Variants in UNC79 observed in about 807,000 individuals in gnomAD.
UNC79 encodes unc-79 subunit of NALCN channel complex.
A neutral mutation model predicts 283.1 loss-of-function variants in UNC79; 37 were observed. The observed-to-expected ratio is 0.13, with a 90% confidence interval of 0.10 to 0.17. UNC79 has a LOEUF of 0.17. Ranked by LOEUF, UNC79 falls within the 10% of genes least tolerant of loss-of-function variation. The pLI, the probability that UNC79 is intolerant of heterozygous loss-of-function variation, is 1.00. For missense variants in UNC79, 2,272 were observed against 3,211.1 expected, an observed-to-expected ratio of 0.71 and a Z score of 7.07; for synonymous variants, 1,107 against 1,200.2, an observed-to-expected ratio of 0.92 and a Z score of 1.61.
At chr14:93,333,957 C>CG (rs761911821) in intron 1 of UNC79, among the ~76,000 whole-genome samples, 78 of 148,658 alleles carry the variant, frequency 5.2e-4, no homozygotes, top group South Asian at 6.8e-4. Flanking sequence ...CGTTACACCT[C>CG]CTTTTCCTCT....
At position 93,578,081 on chromosome 14, in the gene UNC79, T is replaced by C; in HGVS notation, c.2433+18T>C. 3 of 1,610,228 alleles carry C rather than the reference T, an allele frequency of 1.9e-6. No homozygotes were observed. The highest frequency in any genetic ancestry group is 2.5e-6 in the Non-Finnish European group (3 of 1,177,052). On this transcript the variant is annotated intron_variant, in intron 18 of 48. Coordinates refer to ENST00000555664, the Ensembl canonical transcript of UNC79. ...TGAAGCAGGTAGCTGAAGCATGAGC[T>C]TCCTTTAGTTCAGAGGTGAAGAATG...
chr14:93,421,255 T>A (rs2055592889), intron 1 of UNC79, among the ~76,000 whole-genome samples: 1 of 151,490 alleles, frequency 6.6e-6, no homozygotes, highest in South Asian at 2.1e-4. Flanking sequence ...AAATAGGAGA[T>A]GAAAATGGAG....
chr14:93,416,928 A>T (rs2055474427), intron 1 of UNC79, among the ~76,000 whole-genome samples: 1 of 152,114 alleles, frequency 6.6e-6, no homozygotes, highest in African/African-American at 2.4e-5. Flanking sequence ...TGCACGTGAG[A>T]TGGATTTCCT....
At chr14:93,501,695 A>G (rs993792397) in intron 7 of UNC79, among the ~76,000 whole-genome samples, 8 of 152,210 alleles carry the variant, frequency 5.3e-5, no homozygotes, top group Non-Finnish European at 1.0e-4. Context: ...TCAAAAAAAA[A>G]AAGAAAAATT....
At chr14:93,594,550 A>G (rs182604012) in intron 23 of UNC79, among the ~76,000 whole-genome samples, 6 of 152,188 alleles carry the variant, frequency 3.9e-5, no homozygotes, top group African/African-American at 1.2e-4. Flanking sequence ...GATTACAGGC[A>G]TGAGCCACTG....
rs932926048 is a variant in UNC79 at position 93,596,154 on chromosome 14, G to T, written c.3191-1205G>T. Among the ~76,000 whole-genome samples, 7 of 152,258 alleles carry T rather than the reference G, an allele frequency of 4.6e-5. No individual in the cohort carries two copies. In the East Asian group the frequency reaches 1.3e-3, roughly 29 times the overall value. ...CACAAAATAAAATATGTCATATAATGAGCACATATTGTGTTCATAGCTCAT... is the reference window on the plus strand; with the variant it reads ...CACAAAATAAAATATGTCATATAATTAGCACATATTGTGTTCATAGCTCAT... On this transcript the variant is annotated intron_variant, in intron 23 of 48. Coordinates refer to ENST00000555664, the Ensembl canonical transcript of UNC79.
intron 1 of UNC79, among the ~76,000 whole-genome samples, chr14:93,374,475 C>G (rs887850710): frequency 2.0e-5 from 3 of 152,188 alleles, no homozygotes; most frequent in Non-Finnish European, 4.4e-5. Flanking sequence ...GCCTACTTTT[C>G]TCTTTTGGAA....
chr14:93,416,814 G>A (rs955430221), intron 1 of UNC79, among the ~76,000 whole-genome samples: 6 of 152,108 alleles, frequency 3.9e-5, no homozygotes, highest in Non-Finnish European at 5.9e-5. Flanking sequence ...TTGGTTTAAA[G>A]TCTGTTTTAT....
intron 1 of UNC79, among the ~76,000 whole-genome samples, chr14:93,380,886 G>A (rs1012796617): frequency 1.1e-4 from 17 of 152,184 alleles, no homozygotes; most frequent in African/African-American, 4.1e-4. Flanking sequence ...ACAAATGTAT[G>A]AAATTAATAT....
chr14:93,577,715 T>C lies in UNC79; in HGVS notation c.2212-127T>C, dbSNP rs957452847. On this transcript the variant is annotated intron_variant, in intron 17 of 48. Transcript: ENST00000555664. ...AATCCTTAGTATTTGGAGGTACTAA[T>C]GCCATTGGTTAAGGAAAGAAATAAG... is the stretch of plus-strand genomic sequence containing the variant. 4.6e-6 allele frequency: 4 copies of C among 868,078 alleles called. No individual in the cohort carries two copies. In the Admixed American group the frequency reaches 7.1e-5, roughly 15 times the overall value. The allele number at this position is 868,078 out of a possible 1,614,324, so 53.8% of individuals were successfully genotyped here. A position where few individuals can be genotyped will look rare whatever the true frequency, so the allele number is the denominator to read the frequency against.
intron 7 of UNC79, among the ~76,000 whole-genome samples, 181 bp from the exon 8 acceptor site, chr14:93,523,797 G>A (rs948837074): frequency 1.3e-5 from 2 of 152,112 alleles, no homozygotes; most frequent in Admixed American, 6.5e-5. Context: ...CTAGGAAAAT[G>A]GATGGAGTTG....
Position 93,529,417 on chromosome 14 carries a change from A to G in UNC79, c.1093+91A>G, listed in dbSNP as rs566531507. The G allele has an allele frequency of 2.9e-6, 4 of 1,395,268 alleles. No individual in the cohort carries two copies. The East Asian group carries it at 7.0e-5, about 24-fold the overall frequency. The allele number at this position is 1,395,268 out of a possible 1,614,324, so 86.4% of individuals were successfully genotyped here. A position where few individuals can be genotyped will look rare whatever the true frequency, so the allele number is the denominator to read the frequency against. On this transcript the variant is annotated intron_variant, in intron 10 of 48. Transcript: ENST00000555664. ...CCTTTTGTACTATTTTATTTTACAA[A>G]GACAGTCACCAAAGTATTGTATTGT...
At chr14:93,479,207 C>T (rs1002482365) in intron 4 of UNC79, among the ~76,000 whole-genome samples, 6 of 148,700 alleles carry the variant, frequency 4.0e-5, no homozygotes, top group African/African-American at 1.5e-4. Flanking sequence ...TTCCTTCCTT[C>T]CTTCCTTCCT....
intron 1 of UNC79, among the ~76,000 whole-genome samples, chr14:93,440,573 A>C (rs557922620): frequency 5.9e-4 from 88 of 149,722 alleles, no homozygotes; most frequent in Non-Finnish European, 6.4e-4. Context: ...ATTTCATGCA[A>C]TATATTTTTC....
At chr14:93,407,390 C>G (rs1194763586) in intron 1 of UNC79, among the ~76,000 whole-genome samples, 1 of 152,270 alleles carries the variant, frequency 6.6e-6, no homozygotes, top group Admixed American at 6.5e-5. Context: ...TTGCTGGAGG[C>G]TGAGTGTGGA....
intron 23 of UNC79, among the ~76,000 whole-genome samples, chr14:93,596,541 A>G (rs908543881): frequency 6.6e-6 from 1 of 152,222 alleles, no homozygotes; most frequent in Non-Finnish European, 1.5e-5. Flanking sequence ...AGGCTGAGGC[A>G]TGAGAATCAC....
At chr14:93,592,537 T>C (rs1389047304) in intron 22 of UNC79, among the ~76,000 whole-genome samples, 5 of 152,164 alleles carry the variant, frequency 3.3e-5, no homozygotes, top group African/African-American at 1.2e-4. Context: ...GTGAACTTTT[T>C]AAAATTGTTG....
chr14:93,389,051 A>G (rs1201308388), intron 1 of UNC79, among the ~76,000 whole-genome samples: 1 of 152,172 alleles, frequency 6.6e-6, no homozygotes, highest in Non-Finnish European at 1.5e-5. Context: ...GATTCTCAGG[A>G]GAGAGGGAGC....
intron 14 of UNC79, among the ~76,000 whole-genome samples, chr14:93,543,978 A>T (rs2061490733): frequency 6.6e-6 from 1 of 151,998 alleles, no homozygotes; most frequent in South Asian, 2.1e-4. Flanking sequence ...CCACCTACTG[A>T]CTCACTTAGA....
Sources: allele counts gnomAD v4.1 joint callset (sites outside exome capture counted in the v4.1 genomes callset), GRCh38; gene constraint gnomAD v4.1.1; transcripts MANE v1.5; gene names NCBI Gene and HGNC (gene_info 2026-07-23, HGNC 2026-07-21).